The following MLLT10 variants were observed in gnomAD, a reference collection of about 807,000 sequenced individuals.
MLLT10 encodes protein AF-10.
A neutral mutation model predicts 129.1 loss-of-function variants in MLLT10; 30 were observed. The observed-to-expected ratio is 0.23, with a 90% confidence interval of 0.17 to 0.32. The LOEUF (loss-of-function observed/expected upper bound fraction) is 0.32, where lower values mean the gene tolerates loss of function less well. MLLT10 is among the 10% of genes least tolerant of loss of function. MLLT10 has a pLI of 1.00. For missense variants in MLLT10, 1,119 were observed against 1,268.3 expected (o/e 0.88, Z 1.79); for synonymous variants, 490 against 446.4 (o/e 1.10, Z -1.23).
chr10:21,544,206 T>C (rs1052989557), intron 3 of MLLT10, among the ~76,000 whole-genome samples: 1 of 152,248 alleles, frequency 6.6e-6, no homozygotes, highest in African/African-American at 2.4e-5. Flanking sequence ...GTGTTACCTC[T>C]TAACCACCAT....
At chr10:21,588,575 T>G (rs2042215390) in intron 4 of MLLT10, among the ~76,000 whole-genome samples, 1 of 152,042 alleles carries the variant, frequency 6.6e-6, no homozygotes, top group Non-Finnish European at 1.5e-5. Context: ...GTTTTGCCGT[T>G]AATTTTGATA....
In MLLT10 at chr10:21,727,934, C is replaced by A; in HGVS notation, c.2063+6C>A. On this transcript the variant is annotated splice_donor_region_variant and intron_variant, in intron 16 of 22. Transcript: ENST00000307729. Reference sequence around the variant, plus strand: ...CGAGGAAGTCTCTCGCCACGGTAAGCGCTATTTACACTGCAAAGTATAGGC... The same window carrying A: ...CGAGGAAGTCTCTCGCCACGGTAAGAGCTATTTACACTGCAAAGTATAGGC... 5 of 1,613,268 alleles carry A rather than the reference C, an allele frequency of 3.1e-6. No homozygotes were observed. The highest frequency in any genetic ancestry group is 4.2e-6 in the Non-Finnish European group (5 of 1,179,504).
chr10:21,733,119 G>T (rs1396171485), intron 18 of MLLT10, 32 bp downstream of exon 18: 1 of 1,551,178 alleles, frequency 6.4e-7, no homozygotes, highest in South Asian at 1.2e-5. Flanking sequence ...TTGTATCTAA[G>T]GAAAATAGGC....
intron 5 of MLLT10, among the ~76,000 whole-genome samples, chr10:21,609,563 T>G (rs765889456): frequency 5.3e-5 from 8 of 152,206 alleles, no homozygotes; most frequent in Non-Finnish European, 1.0e-4. Context: ...CTAGTTCATG[T>G]GCACAACATT....
At chr10:21,633,590 G>A (rs1458758340) in intron 8 of MLLT10, among the ~76,000 whole-genome samples, 1 of 152,184 alleles carries the variant, frequency 6.6e-6, no homozygotes, top group African/African-American at 2.4e-5. Context: ...AGCTACTTAG[G>A]AGGCTGAGGT....
At position 21,621,076 on chromosome 10, in the gene MLLT10, C is replaced by A. The variant is rs977365103; in HGVS notation, c.699+3869C>A. Among the ~76,000 whole-genome samples, 4 of 151,382 alleles carry A rather than the reference C, an allele frequency of 2.6e-5. No homozygotes were observed. The East Asian group carries it at 7.7e-4, about 29-fold the overall frequency. On this transcript the variant is annotated intron_variant, in intron 8 of 22. Transcript: ENST00000307729. ...CTCGGTTTACTGCAAGCTCCGCCTC[C>A]GGGTTCACGCCATTCTCCTGTCTCA...
chr10:21,689,571 A>G lies in MLLT10; in HGVS notation c.1699+7314A>G, dbSNP rs1456475360. ...AATATATATATATATATATGTATAT[A>G]TATATATATATATATATAGCGTGTG... On this transcript the variant is annotated intron_variant, in intron 13 of 22. Coordinates refer to ENST00000307729, the MANE Select transcript of MLLT10 (RefSeq NM_001195626.3). Among the ~76,000 whole-genome samples the G allele has an allele frequency of 3.7e-3, 332 of 88,558 alleles. 2 individuals are homozygous for G. Among genetic ancestry groups the G allele is most frequent in the Middle Eastern group, 0.033 (3 of 90 alleles). The allele number at this position is 88,558 out of a possible 152,430, so 58.1% of individuals were successfully genotyped here. A position where few individuals can be genotyped will look rare whatever the true frequency, so the allele number is the denominator to read the frequency against.
chr10:21,673,451 G>A lies in MLLT10; in HGVS notation c.1153G>A (p.Asp385Asn), dbSNP rs1374006340. ...CTTTACAGACTCAGATCTGCGTAATGACAGTTACTCTCACTCCCAACAGTC... is the reference window on the plus strand; with the variant it reads ...CTTTACAGACTCAGATCTGCGTAATAACAGTTACTCTCACTCCCAACAGTC... ...LSFTDSDLRNDSYSHSQQSSA... is the reference protein window; with the variant it reads ...LSFTDSDLRNNSYSHSQQSSA... The change falls in exon 11 of 23, where the codon GAC (aspartate) becomes AAC (asparagine). Residue 385 changes from aspartate (D) to asparagine (N), a missense_variant. By Grantham distance (23) the Asp-to-Asn change is conservative. This residue lies in a region of MLLT10 where 1,004 missense variants were observed against 1,008.7 expected (regional missense o/e 1.00). Coordinates refer to ENST00000307729, the MANE Select transcript of MLLT10 (RefSeq NM_001195626.3). The A allele has an allele frequency of 1.2e-6, 2 of 1,613,114 alleles. No homozygotes were observed. The highest frequency in any genetic ancestry group is 1.7e-6 in the Non-Finnish European group (2 of 1,179,890).
intron 5 of MLLT10, among the ~76,000 whole-genome samples, chr10:21,611,856 G>A (rs1423816012): frequency 1.3e-5 from 2 of 152,176 alleles, no homozygotes; most frequent in Non-Finnish European, 2.9e-5. Context: ...CTCACAGACA[G>A]TGGAAATGAA....
chr10:21,727,254 A>G (rs1018092747), intron 15 of MLLT10, among the ~76,000 whole-genome samples: 1 of 152,184 alleles, frequency 6.6e-6, no homozygotes. Context: ...GAGATATATG[A>G]TATTACCTAA....
At chr10:21,544,325 A>G (rs1376996977) in intron 3 of MLLT10, among the ~76,000 whole-genome samples, 1 of 152,190 alleles carries the variant, frequency 6.6e-6, no homozygotes, top group East Asian at 1.9e-4. Flanking sequence ...TTGAGAAGAC[A>G]ATAAAACAAA....
intron 8 of MLLT10, chr10:21,626,133 T>G: frequency 6.2e-7 from 1 of 1,610,222 alleles, no homozygotes; most frequent in South Asian, 1.1e-5. Flanking sequence ...TGCCTGTAGG[T>G]CTTCATAACT....
intron 4 of MLLT10, among the ~76,000 whole-genome samples, chr10:21,590,018 C>G (rs1467927864): frequency 2.6e-5 from 4 of 152,038 alleles, no homozygotes. Context: ...ACTGCAGATT[C>G]AAACTCCTGG....
At chr10:21,644,248 ACT>A (rs1265158955) in intron 8 of MLLT10, among the ~76,000 whole-genome samples, 10 of 151,636 alleles carry the variant, frequency 6.6e-5, no homozygotes, top group Non-Finnish European at 1.2e-4. Context: ...TGCACATTAG[ACT>A]CTGTATTATT....
intron 13 of MLLT10, among the ~76,000 whole-genome samples, chr10:21,700,401 G>A (rs937186548): frequency 6.6e-6 from 1 of 152,134 alleles, no homozygotes; most frequent in African/African-American, 2.4e-5. Context: ...TCAATATTAT[G>A]TTGAATAAGA....
chr10:21,561,000 G>T (rs562876402), intron 3 of MLLT10, among the ~76,000 whole-genome samples: 1 of 152,074 alleles, frequency 6.6e-6, no homozygotes, highest in Admixed American at 6.6e-5. Context: ...ATTCCAGACC[G>T]TTCTTAGATA....
At chr10:21,647,086 G>A (rs1223533039) in intron 8 of MLLT10, among the ~76,000 whole-genome samples, 1 of 152,086 alleles carries the variant, frequency 6.6e-6, no homozygotes, top group East Asian at 1.9e-4. Flanking sequence ...TCGATCTCCC[G>A]ACCTCGTGAT....
intron 5 of MLLT10, among the ~76,000 whole-genome samples, chr10:21,605,638 T>A (rs75198692): frequency 0.018 from 2,728 of 152,192 alleles, 35 homozygotes; most frequent in Non-Finnish European, 0.027. Flanking sequence ...ACTGGGTATG[T>A]TGCCCAGGCT....
chr10:21,551,031 A>G (rs1009442967), intron 3 of MLLT10, among the ~76,000 whole-genome samples: 2 of 149,924 alleles, frequency 1.3e-5, no homozygotes, highest in Non-Finnish European at 3.0e-5. Context: ...TGTTCAGGTG[A>G]TTCTCCTGCC....
Sources: gnomAD v4.1 joint callset for allele counts (sites outside exome capture counted in the v4.1 genomes callset) on GRCh38, gnomAD v4.1.1 for gene constraint, gnomAD v4.1.1 regional missense constraint, MANE v1.5 for transcripts, NCBI Gene and HGNC (gene_info 2026-07-23, HGNC 2026-07-21) for gene names.